Variants in UBN1 observed in about 807,000 individuals in gnomAD.
UBN1 encodes ubinuclein 1.
A neutral mutation model predicts 108.5 loss-of-function variants in UBN1; 17 were observed. That is an observed-to-expected ratio of 0.16 (90% CI 0.11 to 0.24). The LOEUF (loss-of-function observed/expected upper bound fraction) is 0.24, where lower values mean the gene tolerates loss of function less well. UBN1 is among the 10% of genes least tolerant of loss of function. The pLI is 1.00. For missense variants in UBN1, 1,595 were observed against 1,394.4 expected, an observed-to-expected ratio of 1.14 and a Z score of -2.29; for synonymous variants, 726 against 564.2, an observed-to-expected ratio of 1.29 and a Z score of -4.07.
chr16:4,869,364 A>C (rs906370243), intron 8 of UBN1, among the ~76,000 whole-genome samples: 4 of 152,168 alleles, frequency 2.6e-5, no homozygotes, highest in Admixed American at 2.0e-4. Context: ...ATCATCCCTA[A>C]TGCTGTTCCC....
At position 4,869,734 on chromosome 16, in the gene UBN1, C is replaced by G. The variant is rs74003525; in HGVS notation, c.1182-478C>G. On this transcript the variant is annotated intron_variant, in intron 8 of 17. Transcript: ENST00000262376. Reference sequence around the variant, plus strand: ...TTGAGCGTGCCAAATGTGGACAGCTCAAGGCATTGAAGAGAAATATTTTTT... The same window carrying G: ...TTGAGCGTGCCAAATGTGGACAGCTGAAGGCATTGAAGAGAAATATTTTTT... Among the ~76,000 whole-genome samples, 560 of 152,204 alleles carry G rather than the reference C, an allele frequency of 3.7e-3. 1 individual carries two copies. The highest frequency in any genetic ancestry group is 0.013 in the African/African-American group (526 of 41,534).
intron 7 of UBN1, among the ~76,000 whole-genome samples, chr16:4,866,944 G>C (rs1000149274): frequency 1.3e-5 from 2 of 152,328 alleles, no homozygotes; most frequent in African/African-American, 4.8e-5. Flanking sequence ...CGGACTTAAG[G>C]GGTTAAAGAG....
chr16:4,861,194 T>G (rs960006), intron 7 of UBN1, 92 bp downstream of exon 7: 7 of 1,384,954 alleles, frequency 5.1e-6, no homozygotes, highest in African/African-American at 2.9e-5. Context: ...CCAGAGAAAC[T>G]CTTAGTGAGT....
chr16:4,874,375 C>T lies in UBN1; in HGVS notation c.1965C>T (p.Val655=). ...ASGGLANPPP[V]NLEDSLDEDL... ...GCGGCCTTGCTAACCCTCCTCCTGT[C>T]AACCTGGAGGACTCATTGGATGAAG... Residue 655 remains valine, a synonymous_variant, in exon 15 of 18, where the codon GTC becomes GTT. Coordinates refer to ENST00000262376, the MANE Select transcript of UBN1 (RefSeq NM_001079514.3). 1 of 1,614,086 alleles carries T rather than the reference C, an allele frequency of 6.2e-7. No homozygotes were observed. Among genetic ancestry groups the T allele is most frequent in the Non-Finnish European group, 8.5e-7 (1 of 1,180,030 alleles).
At chr16:4,851,806 A>G (rs1355311457) in intron 1 of UBN1, among the ~76,000 whole-genome samples, 1 of 152,080 alleles carries the variant, frequency 6.6e-6, no homozygotes, top group Non-Finnish European at 1.5e-5. Context: ...TGGATATAAC[A>G]GCGAGACCCT....
chr16:4,872,757 C>G, intron 12 of UBN1, 127 bp from the exon 13 acceptor site: 1 of 1,121,196 alleles, frequency 8.9e-7, no homozygotes, highest in South Asian at 1.4e-5. Flanking sequence ...GCGTGAGCCA[C>G]TGCGCCTGGC....
intron 12 of UBN1, among the ~76,000 whole-genome samples, chr16:4,871,677 C>T (rs2142253151): frequency 6.7e-6 from 1 of 149,106 alleles, no homozygotes; most frequent in East Asian, 2.0e-4. Flanking sequence ...AGCTCCACCT[C>T]CCAGGTTCAC....
At chr16:4,860,332 T>G (rs2087001076) in intron 6 of UBN1, among the ~76,000 whole-genome samples, 2 of 152,228 alleles carry the variant, frequency 1.3e-5, no homozygotes, top group African/African-American at 4.8e-5. Flanking sequence ...AAGTTGCTGC[T>G]GTTCTCTGCT....
intron 8 of UBN1, among the ~76,000 whole-genome samples, chr16:4,869,803 A>G (rs1019060221): frequency 2.0e-5 from 3 of 152,094 alleles, no homozygotes; most frequent in Non-Finnish European, 4.4e-5. Context: ...GCTTTCCCTG[A>G]CCTCATAATG....
In UBN1 at chr16:4,881,484, C is replaced by G. The variant is rs1194938097; in HGVS notation, c.*1352C>G. ...GGTGAGTCTGAACTGACTGCTCCAG[C>G]TAAGTGATCAGGCACGTTGAGAGTA... On this transcript the variant is annotated 3_prime_UTR_variant, in exon 18 of 18. Coordinates refer to ENST00000262376, the MANE Select transcript of UBN1 (RefSeq NM_001079514.3). 1 of 152,196 alleles carries G rather than the reference C, an allele frequency of 6.6e-6. No individual in the cohort carries two copies. The highest frequency in any genetic ancestry group is 1.9e-4 in the East Asian group (1 of 5,190). The allele number at this position is 152,196 out of a possible 1,614,324, so 9.4% of individuals were successfully genotyped here.
At chr16:4,852,195 C>T (rs1262063381) in intron 1 of UBN1, 2 of 152,218 alleles carry the variant, frequency 1.3e-5, no homozygotes, top group African/African-American at 2.4e-5. Flanking sequence ...ACATGTATGG[C>T]ATGTATTAGC....
rs529382866 is a variant in UBN1, at chr16:4,881,050, C to T, written c.*918C>T. On this transcript the variant is annotated 3_prime_UTR_variant, in exon 18 of 18. Coordinates refer to ENST00000262376, the MANE Select transcript of UBN1 (RefSeq NM_001079514.3). ...GTCCTGACTAGAAGGTTGTCTGGGC[C>T]CCCAAATTCCAAGTCCCAGTATAGC... The T allele has an allele frequency of 6.6e-6, 1 of 152,584 alleles. No individual in the cohort carries two copies. Among genetic ancestry groups the T allele is most frequent in the East Asian group, 1.9e-4 (1 of 5,166 alleles). 9.5% of individuals were successfully genotyped at this position (152,584 alleles called of 1,614,324 possible).
chr16:4,848,356 A>T (rs1057454824), intron 1 of UBN1, 146 bp downstream of exon 1: 1 of 152,288 alleles, frequency 6.6e-6, no homozygotes, highest in Non-Finnish European at 1.5e-5. Context: ...TGTTAACTGC[A>T]GTTGAGCGCA....
At chr16:4,858,879 T>C in intron 4 of UBN1, 146 bp from the exon 5 acceptor site, 1 of 1,140,058 alleles carries the variant, frequency 8.8e-7, no homozygotes, top group Non-Finnish European at 1.3e-6. Flanking sequence ...ACCTTGTAGC[T>C]CAGACATTCA....
At chr16:4,872,448 TTG>T (rs900357730) in intron 12 of UBN1, 21 of 197,574 alleles carry the variant, frequency 1.1e-4, no homozygotes, top group Non-Finnish European at 1.1e-4. Flanking sequence ...ACCTTTTTTT[TTG>T]TGTGTGTGGG....
intron 12 of UBN1, among the ~76,000 whole-genome samples, chr16:4,871,694 C>T (rs2142253321): frequency 6.8e-6 from 1 of 146,022 alleles, no homozygotes; most frequent in South Asian, 2.2e-4. Context: ...TCACGCCGTT[C>T]TCCTGCCTCA....
rs768224141 is a variant in UBN1 at position 4,873,049 on chromosome 16, G to A, written c.1776G>A (p.Met592Ile). ...LTSILAKKKV[M>I]APSKIKVKES... The stretch of plus-strand genomic sequence containing the variant: ...TGAACAGGGCCAAGAAGAAAGTTAT[G>A]GCCCCTTCTAAAATCAAGGTGAAGG... Residue 592 changes from methionine to isoleucine, a missense_variant, in exon 14 of 18, where the codon ATG becomes ATA. Around this residue, in one of 3 missense-constraint regions of UBN1, gnomAD observed 1,398 missense variants for 1,194.7 expected, o/e 1.17. Transcript: ENST00000262376. 3 of 1,614,166 alleles carry A rather than the reference G, an allele frequency of 1.9e-6. No homozygotes were observed. The highest frequency in any genetic ancestry group is 2.2e-5 in the East Asian group (1 of 44,880).
At position 4,860,803 on chromosome 16, in the gene UBN1, G is replaced by A; in HGVS notation, c.811G>A (p.Val271Ile). ...GGAGGAGGAGCATAAGCCTGTTGCG[G>A]TCCCATCAGCGGAAGCTCAGGGCCT... ...KREEEHKPVA[V>I]PSAEAQGLRE... Residue 271 changes from valine to isoleucine, a missense_variant, in exon 7 of 18, where the codon GTC (valine) becomes ATC (isoleucine). Transcript: ENST00000262376. 1 of 1,614,288 alleles carries A rather than the reference G, an allele frequency of 6.2e-7. No homozygotes were observed. Among genetic ancestry groups the A allele is most frequent in the Non-Finnish European group, 8.5e-7 (1 of 1,180,054 alleles).
At chr16:4,851,722 A>C (rs1378038453) in intron 1 of UBN1, among the ~76,000 whole-genome samples, 2 of 152,026 alleles carry the variant, frequency 1.3e-5, no homozygotes, top group Non-Finnish European at 2.9e-5. Context: ...CGAGAGGTTG[A>C]AGTGGTGAGA....
Sources: allele counts gnomAD v4.1 joint callset (sites outside exome capture counted in the v4.1 genomes callset), GRCh38; gene constraint gnomAD v4.1.1; regional missense constraint gnomAD v4.1.1; transcripts MANE v1.5; gene names NCBI Gene and HGNC (gene_info 2026-07-23, HGNC 2026-07-21).